The following TTN variants were observed in gnomAD, a reference collection of about 807,000 sequenced individuals.
The protein encoded by TTN is connectin.
In TTN, 1,525 loss-of-function variants were observed where a neutral mutation model predicts 3,223.0. The observed-to-expected ratio is 0.47, with a 90% CI of 0.45 to 0.49. TTN has a LOEUF of 0.49. Among genes scored for constraint, TTN ranks in the 20% least tolerant of loss-of-function variants. The pLI, the probability that TTN is intolerant of heterozygous loss-of-function variation, is 0.00. For synonymous variants in TTN, 14,094 were observed against 15,161.0 expected (o/e 0.93, Z 5.17); for missense variants, 40,786 against 43,424.0 (o/e 0.94, Z 5.40).
At chr2:178,625,216 G>A in intron 241 of TTN, 57 bp downstream of exon 241, 2 of 1,557,482 alleles carry the variant, frequency 1.3e-6, no homozygotes, top group South Asian at 1.2e-5. Flanking sequence ...ATTGAGAGTT[G>A]GCATTGTTCA....
At chr2:178,702,388 G>A in intron 107 of TTN, 66 bp downstream of exon 107, 1 of 1,607,422 alleles carries the variant, frequency 6.2e-7, no homozygotes, top group Non-Finnish European at 8.5e-7. Context: ...CGCATACAGG[G>A]TAGAAATACA....
intron 294 of TTN, 22 bp downstream of exon 294, chr2:178,597,516 C>G: frequency 3.8e-6 from 6 of 1,599,022 alleles, no homozygotes; most frequent in Non-Finnish European, 5.1e-6. Flanking sequence ...AAAAGTTGCA[C>G]AGACAAATTG....
At chr2:178,690,829 T>C (rs2072220953) in intron 121 of TTN, among the ~76,000 whole-genome samples, 1 of 152,138 alleles carries the variant, frequency 6.6e-6, no homozygotes, top group Non-Finnish European at 1.5e-5. Context: ...TGTGTATTTG[T>C]TTTTATGAGT....
intron 250 of TTN, 75 bp downstream of exon 250, chr2:178,619,546 C>T: frequency 1.3e-6 from 2 of 1,554,364 alleles, no homozygotes; most frequent in Admixed American, 2.0e-5. Context: ...CAAGGATTAC[C>T]TCATTAAATA....
At chr2:178,654,119 T>G in intron 193 of TTN, 24 bp from the exon 194 acceptor site, 1 of 1,594,536 alleles carries the variant, frequency 6.3e-7, no homozygotes, top group Middle Eastern at 1.7e-4. Context: ...AGTATTTTTA[T>G]AATTTATGAA....
In TTN at chr2:178,599,755, G is replaced by C. The variant is rs1216121898; in HGVS notation, c.56146C>G (p.Leu18716Val). The C allele has an allele frequency of 1.2e-6, 2 of 1,612,594 alleles. No homozygotes were observed. Among genetic ancestry groups the C allele is most frequent in the Non-Finnish European group, 1.7e-6 (2 of 1,179,258 alleles). Residue 18716 changes from leucine to valine, a missense_variant, in exon 289 of 363, where the codon CTA becomes GTA. By Grantham distance (32) the Leu-to-Val change is conservative (BLOSUM62 1). Transcript: ENST00000589042. The part of the protein sequence containing the change: ...AKIKGVPFPT[L>V]TWFKAPPKKP... ...TTTGGAGGAGCTTTAAACCAGGTTA[G>C]TGTCGGGAATGGCACACCTTTAATT...
chr2:178,551,290 C>G, intron 335 of TTN, 30 bp from the exon 336 acceptor site: 1 of 1,583,426 alleles, frequency 6.3e-7, no homozygotes, highest in East Asian at 2.3e-5. Flanking sequence ...GTAAATGCAT[C>G]ATTACATTTG....
At chr2:178,797,344 C>A (rs371369306) in intron 6 of TTN, among the ~76,000 whole-genome samples, 2 of 151,494 alleles carry the variant, frequency 1.3e-5, no homozygotes, top group African/African-American at 4.8e-5. Context: ...GTGGCTAAAA[C>A]AATAAAAATT....
intron 119 of TTN, among the ~76,000 whole-genome samples, chr2:178,692,818 G>A (rs1174876841): frequency 6.6e-6 from 1 of 152,076 alleles, no homozygotes; most frequent in Non-Finnish European, 1.5e-5. Flanking sequence ...ATCCTCCCTC[G>A]GAGGTGCCTG....
chr2:178,679,885 A>G lies in TTN; in HGVS notation c.33580+9T>C. The G allele has an allele frequency of 6.2e-7, 1 of 1,612,544 alleles. No homozygotes were observed. Among genetic ancestry groups the G allele is most frequent in the South Asian group, 1.1e-5 (1 of 90,750 alleles). ...TGTTGCACAGCCCTTTGCAGGAGGC[A>G]TCATCTACCTTTGACTGGTATCACT... On this transcript the variant is annotated intron_variant, in intron 140 of 362. Coordinates refer to ENST00000589042, the MANE Select transcript of TTN (RefSeq NM_001267550.2).
At chr2:178,691,460 C>T (rs1008854070) in intron 121 of TTN, among the ~76,000 whole-genome samples, 1 of 152,114 alleles carries the variant, frequency 6.6e-6, no homozygotes, top group Non-Finnish European at 1.5e-5. Context: ...TACTGAAGCT[C>T]AGTTAAGGTC....
At chr2:178,609,010 C>A in intron 273 of TTN, 102 bp from the exon 274 acceptor site, 3 of 1,433,286 alleles carry the variant, frequency 2.1e-6, no homozygotes, top group Non-Finnish European at 2.8e-6. Flanking sequence ...TTGTGGTTTT[C>A]CCACATCTAT....
intron 134 of TTN, 40 bp from the exon 135 acceptor site, chr2:178,682,943 G>C (rs1446481098): frequency 1.3e-6 from 2 of 1,505,206 alleles, no homozygotes; most frequent in Non-Finnish European, 1.8e-6. Context: ...TTACTTTAAA[G>C]CACTTTTAAG....
Position 178,610,284 on chromosome 2 carries a change from T to G in TTN, c.51242A>C (p.His17081Pro). 6.2e-7 allele frequency: 1 copy of G among 1,612,952 alleles called. No individual in the cohort carries two copies. The highest frequency in any genetic ancestry group is 1.1e-5 in the South Asian group (1 of 91,048). Residue 17081 changes from histidine (H) to proline (P), a missense_variant, in exon 271 of 363, where the codon CAT becomes CCT. His to Pro is a moderately conservative substitution (Grantham distance 77). Transcript: ENST00000589042. ...PEFDGGTPIL[H>P]YVLERREAGR... ...AGCTTCTCTGCGCTCCAGGACATAA[T>G]GAAGAATTGGGGTTCCACCATCAAA... is the stretch of plus-strand genomic sequence containing the variant.
intron 354 of TTN, 53 bp from the exon 355 acceptor site, chr2:178,537,970 C>A: frequency 7.0e-7 from 1 of 1,423,236 alleles, no homozygotes; most frequent in Non-Finnish European, 9.4e-7. Flanking sequence ...AATCTGTAAT[C>A]CTTTGTCCTT....
rs1474422218 is a variant in TTN, at chr2:178,634,615, A to G, written c.42166T>C (p.Phe14056Leu). Residue 14056 changes from phenylalanine to leucine, a missense_variant, in exon 230 of 363, where the codon TTT becomes CTT. Physicochemically the swap from Phe to Leu is conservative, Grantham distance 22 (BLOSUM62 0). Coordinates refer to ENST00000589042, the MANE Select transcript of TTN (RefSeq NM_001267550.2). This position sits in a 1 kb window ranked among gnomAD's most constrained non-coding sequence, Gnocchi z 4.6. ...ILTVKEIELD[F>L]AVPLKDVTVP... is the part of the protein sequence containing the mutation. ...GTGACATCCTTCAGGGGCACAGCAA[A>G]GTCAAGTTCGATTTCTGAAAATCAG... The G allele has an allele frequency of 1.2e-6, 2 of 1,613,022 alleles. No homozygotes were observed. Among genetic ancestry groups the G allele is most frequent in the East Asian group, 2.2e-5 (1 of 44,830 alleles).
chr2:178,764,746 G>T lies in TTN; in HGVS notation c.9769C>A (p.Arg3257Ser), dbSNP rs374521620. The change falls in exon 42 of 363, where the codon CGC (arginine) becomes AGC (serine). Residue 3257 changes from arginine (R) to serine (S), a missense_variant. Arg to Ser is a moderately radical substitution (Grantham distance 110, BLOSUM62 -1). Transcript: ENST00000589042. ...PVTVQSGKPA[R>S]FCAVISGRPQ... ...CTTCCGGATATCACGGCACAGAAGC[G>T]GGCAGGCTTGCCAGACTGCACAGTG... 1.3e-5 allele frequency: 21 copies of T among 1,613,834 alleles called. No homozygotes were observed. The highest frequency in any genetic ancestry group is 1.0e-4 in the Admixed American group (6 of 59,988).
chr2:178,792,301 C>A, intron 9 of TTN, 104 bp from the exon 10 acceptor site: 1 of 1,168,482 alleles, frequency 8.6e-7, no homozygotes. Context: ...TGTAAAATCC[C>A]TTTTCTGCAG....
chr2:178,620,283 T>C lies in TTN; in HGVS notation c.46238A>G (p.Gln15413Arg), dbSNP rs878864622. The C allele has an allele frequency of 1.9e-6, 3 of 1,550,618 alleles. No individual in the cohort carries two copies. Among genetic ancestry groups the C allele is most frequent in the Non-Finnish European group, 2.6e-6 (3 of 1,150,522 alleles). ...TACATTGGCTTTCTCTCTGGAGAGC[T>C]GGCAGGAGAAGACAGCGTCATCGAA... ...TEFDDAVFSC[Q>R]LSREKANVKW... is the part of the protein sequence containing the mutation. Residue 15413 changes from glutamine (Q) to arginine (R), a missense_variant, in exon 248 of 363, where the codon CAG becomes CGG. Coordinates refer to ENST00000589042, the MANE Select transcript of TTN (RefSeq NM_001267550.2).
Sources: gnomAD v4.1 joint callset for allele counts (sites outside exome capture counted in the v4.1 genomes callset) on GRCh38, gnomAD v4.1.1 for gene constraint, Gnocchi (gnomAD v3.1) non-coding constraint, MANE v1.5 for transcripts, NCBI Gene and HGNC (gene_info 2026-07-23, HGNC 2026-07-21) for gene names.